The following KMT2C variants were observed in gnomAD, a reference collection of about 807,000 sequenced individuals.
KMT2C encodes lysine methyltransferase 2C, also known as histone-lysine N-methyltransferase 2C.
In KMT2C, 88 loss-of-function variants were observed where a neutral mutation model predicts 507.9. That is an observed-to-expected ratio of 0.17 (90% CI 0.15 to 0.21). The LOEUF (loss-of-function observed/expected upper bound fraction) is 0.21, where lower values mean the gene tolerates loss of function less well. Ranked by LOEUF, KMT2C falls within the 10% of genes least tolerant of loss-of-function variation. The pLI, the probability that KMT2C is intolerant of heterozygous loss-of-function variation, is 1.00. For synonymous variants in KMT2C, 2,049 were observed against 2,080.8 expected (o/e 0.98, Z 0.42); for missense variants, 4,954 against 5,957.8 (o/e 0.83, Z 5.55).
At chr7:152,213,667 G>T (rs1359277057) in intron 23 of KMT2C, among the ~76,000 whole-genome samples, 2 of 151,380 alleles carry the variant, frequency 1.3e-5, no homozygotes, top group Non-Finnish European at 2.9e-5. Context: ...ATGATTTTTT[G>T]GATATCACAC....
intron 9 of KMT2C, among the ~76,000 whole-genome samples, chr7:152,261,598 A>G (rs1174622877): frequency 6.6e-6 from 1 of 152,214 alleles, no homozygotes; most frequent in Non-Finnish European, 1.5e-5. Flanking sequence ...AAAAAAAGAT[A>G]AAGATATTCG....
rs1257844562 is a variant in KMT2C, at chr7:152,235,925, C to A, written c.2661G>T (p.Gly887=). The change falls in exon 16 of 59, where the codon GGG becomes GGT. Residue 887 remains glycine, a synonymous_variant. Transcript: ENST00000262189. ...GTCTCCGCTTTCCTGGAAATCCAGA[C>A]CCACGGCCCTATGTAACAGATTGGG... ...SAIWSIKVGR[G]SGFPGKRRPR... 6.2e-7 allele frequency: 1 copy of A among 1,611,404 alleles called. No homozygotes were observed. Among genetic ancestry groups the A allele is most frequent in the Non-Finnish European group, 8.5e-7 (1 of 1,179,432 alleles).
intron 6 of KMT2C, among the ~76,000 whole-genome samples, chr7:152,291,678 T>C (rs1180931486): frequency 2.0e-5 from 3 of 152,204 alleles, no homozygotes; most frequent in Non-Finnish European, 4.4e-5. Flanking sequence ...CACTAACTTC[T>C]GGAGTATGTA....
chr7:152,314,045 G>C (rs2096699241), intron 4 of KMT2C, among the ~76,000 whole-genome samples: 1 of 152,036 alleles, frequency 6.6e-6, no homozygotes, highest in Non-Finnish European at 1.5e-5. Flanking sequence ...ATTAAGATGT[G>C]TGTACTCAAC....
intron 5 of KMT2C, 129 bp from the exon 6 acceptor site, chr7:152,310,204 A>G: frequency 1.6e-6 from 1 of 632,212 alleles, no homozygotes; most frequent in Non-Finnish European, 2.8e-6. Context: ...TATTTGTGAT[A>G]GCAGTAAAGT....
At chr7:152,201,949 T>TATA (rs1245707170) in intron 26 of KMT2C, among the ~76,000 whole-genome samples, 1 of 152,184 alleles carries the variant, frequency 6.6e-6, no homozygotes, top group African/African-American at 2.4e-5. Context: ...GGCTGAGCTC[T>TATA]AACATGAATA....
chr7:152,300,510 C>CT (rs2096556624), intron 6 of KMT2C, among the ~76,000 whole-genome samples: 1 of 152,282 alleles, frequency 6.6e-6, no homozygotes, highest in South Asian at 2.1e-4. Context: ...AGAAGGTAGT[C>CT]TGTGTGATCC....
At chr7:152,235,979 A>G (rs535931190) in intron 15 of KMT2C, 46 bp from the exon 16 acceptor site, 63 of 1,164,036 alleles carry the variant, frequency 5.4e-5, no homozygotes, top group Non-Finnish European at 2.8e-5. Flanking sequence ...ACAGACCAAA[A>G]TAATTTTTAA....
At chr7:152,165,913 C>G (rs866339939) in intron 42 of KMT2C, among the ~76,000 whole-genome samples, 22 of 152,262 alleles carry the variant, frequency 1.4e-4, no homozygotes, top group Middle Eastern at 6.8e-3. Flanking sequence ...GTCTCGAACT[C>G]CTGGCCTCAG....
chr7:152,397,379 C>T (rs1189937827), intron 1 of KMT2C, among the ~76,000 whole-genome samples: 1 of 152,048 alleles, frequency 6.6e-6, no homozygotes, highest in African/African-American at 2.4e-5. Context: ...TACTCTAAGC[C>T]ATATCTGTCA....
At chr7:152,263,210 T>C (rs1327789836) in intron 8 of KMT2C, 80 bp from the exon 9 acceptor site, 4 of 1,227,148 alleles carry the variant, frequency 3.3e-6, no homozygotes, top group Non-Finnish European at 4.7e-6. Flanking sequence ...AAATAATCAG[T>C]CCTGGGAACT....
At position 152,179,907 on chromosome 7, in the gene KMT2C, C is replaced by G. The variant is rs2129118020; in HGVS notation, c.7369G>C (p.Val2457Leu). ...VAPPLGPRYA[V>L]FPKDQRGPYP... ...GGTCCACGCTGATCTTTTGGGAAAA[C>G]AGCATATCTAGGTCCTAAAGGAGGG... Residue 2457 changes from valine (V) to leucine (L), a missense_variant, in exon 37 of 59, where the codon GTT becomes CTT. Physicochemically the swap from Val to Leu is conservative, Grantham distance 32. Around this residue, in one of 29 missense-constraint regions of KMT2C, gnomAD observed 1,689 missense variants for 1,654.3 expected, o/e 1.02. Transcript: ENST00000262189. 1 of 1,614,090 alleles carries G rather than the reference C, an allele frequency of 6.2e-7. No individual in the cohort carries two copies.
At chr7:152,407,923 C>T (rs2116643751) in intron 1 of KMT2C, among the ~76,000 whole-genome samples, 1 of 152,396 alleles carries the variant, frequency 6.6e-6, no homozygotes, top group East Asian at 1.9e-4. Flanking sequence ...TTAGAATACA[C>T]TGTTTCCAAA....
At chr7:152,295,845 T>C (rs2096487751) in intron 6 of KMT2C, among the ~76,000 whole-genome samples, 1 of 151,824 alleles carries the variant, frequency 6.6e-6, no homozygotes, top group African/African-American at 2.4e-5. Context: ...GGCGGGCAGA[T>C]CACGAGGTCA....
chr7:152,203,137 T>TGAAGGTA, intron 25 of KMT2C, 73 bp from the exon 26 acceptor site: 1 of 1,236,986 alleles, frequency 8.1e-7, no homozygotes, highest in Non-Finnish European at 1.1e-6. Context: ...GGTAATTTTA[T>TGAAGGTA]ACCTTACCAA....
intron 14 of KMT2C, among the ~76,000 whole-genome samples, chr7:152,239,710 A>G (rs2095349576): frequency 6.6e-6 from 1 of 152,228 alleles, no homozygotes; most frequent in Non-Finnish European, 1.5e-5. Context: ...CAAAGATAAC[A>G]TTTTAAAGAA....
chr7:152,374,010 A>T (rs1314505303), intron 1 of KMT2C, among the ~76,000 whole-genome samples: 4 of 152,074 alleles, frequency 2.6e-5, no homozygotes, highest in Admixed American at 2.6e-4. Context: ...TCGAACAATG[A>T]TATGAAAAAT....
At chr7:152,278,678 G>A (rs1420791618) in intron 6 of KMT2C, among the ~76,000 whole-genome samples, 2 of 152,174 alleles carry the variant, frequency 1.3e-5, no homozygotes, top group South Asian at 2.1e-4. Context: ...ACCAAAAAAT[G>A]CAGGTATAGC....
chr7:152,263,607 CTCTGAGTTCCAGGTA>C (rs2095815935), intron 8 of KMT2C, among the ~76,000 whole-genome samples: 1 of 152,124 alleles, frequency 6.6e-6, no homozygotes, highest in African/African-American at 2.4e-5. Flanking sequence ...GACTAAAGCT[CTCTGAGTTCCAGGTA>C]TAAAATGGGA....
Sources: gnomAD v4.1 joint callset for allele counts (sites outside exome capture counted in the v4.1 genomes callset) on GRCh38, gnomAD v4.1.1 for gene constraint, gnomAD v4.1.1 regional missense constraint, MANE v1.5 for transcripts, NCBI Gene and HGNC (gene_info 2026-07-23, HGNC 2026-07-21) for gene names.